Variants in SYNPR observed in about 807,000 individuals in gnomAD.
The protein encoded by SYNPR is synaptoporin.
In SYNPR, 23 loss-of-function variants were observed where a neutral mutation model predicts 32.9. The ratio of observed to expected loss-of-function variants is 0.70; its 90% CI spans 0.50 to 0.99. The LOEUF (loss-of-function observed/expected upper bound fraction) is 0.99, where lower values mean the gene tolerates loss of function less well. Ranked by LOEUF, SYNPR falls within the 50% of genes least tolerant of loss-of-function variation. The pLI is 0.00. For missense variants in SYNPR, 318 were observed against 349.3 expected, an observed-to-expected ratio of 0.91 and a Z score of 0.71; for synonymous variants, 146 against 135.9, an observed-to-expected ratio of 1.07 and a Z score of -0.52.
At chr3:63,312,820 T>G (rs1328495774) in intron 2 of SYNPR, among the ~76,000 whole-genome samples, 2 of 151,938 alleles carry the variant, frequency 1.3e-5, no homozygotes, top group African/African-American at 2.4e-5. Context: ...CAGCCCAACC[T>G]CTCTCCTGCC....
At chr3:63,275,550 C>A (rs987595486), upstream of SYNPR, among the ~76,000 whole-genome samples, 2 of 152,140 alleles carry the variant, frequency 1.3e-5, no homozygotes, top group Non-Finnish European at 2.9e-5. Flanking sequence ...AGGGAATAGG[C>A]TCAGTAATCA....
At chr3:63,374,974 T>C (rs1560209284) in intron 2 of SYNPR, among the ~76,000 whole-genome samples, 1 of 151,942 alleles carries the variant, frequency 6.6e-6, no homozygotes, top group Admixed American at 6.6e-5. Flanking sequence ...CCATGCTGTT[T>C]TGGTTATCAC....
At chr3:63,413,054 A>T (rs1397325565) in intron 2 of SYNPR, among the ~76,000 whole-genome samples, 1 of 152,220 alleles carries the variant, frequency 6.6e-6, no homozygotes, top group Non-Finnish European at 1.5e-5. Flanking sequence ...AAGCACAACA[A>T]TTGAAAAATA....
rs1702408364 is a variant in SYNPR at position 63,546,629 on chromosome 3, A to G, written c.210-9914A>G. ...AGCTCACTCCCTGTGCTCGATATTT[A>G]TTATTACCCTCCTTAAAATAAAAAA... On this transcript the variant is annotated intron_variant, in intron 3 of 5. Coordinates refer to ENST00000478300, the MANE Select transcript of SYNPR (RefSeq NM_001130003.2). Among the ~76,000 whole-genome samples, 6 of 152,020 alleles carry G rather than the reference A, an allele frequency of 3.9e-5. No homozygotes were observed. The South Asian group carries it at 1.0e-3, about 26-fold the overall frequency.
chr3:63,523,623 A>T (rs1701952860), intron 3 of SYNPR, among the ~76,000 whole-genome samples: 1 of 152,102 alleles, frequency 6.6e-6, no homozygotes, highest in African/African-American at 2.4e-5. Flanking sequence ...GAGCACTGTG[A>T]TGGGGGCCAC....
chr3:63,204,526 G>A, the SYNPR span, among the ~76,000 whole-genome samples: 1 of 152,080 alleles, frequency 6.6e-6, no homozygotes, highest in Non-Finnish European at 1.5e-5. Context: ...GAGGTACTGG[G>A]GGTTAGGACT....
chr3:63,520,363 C>G (rs1477669201), intron 3 of SYNPR, among the ~76,000 whole-genome samples: 1 of 152,132 alleles, frequency 6.6e-6, no homozygotes, highest in African/African-American at 2.4e-5. Context: ...GCCTGTTTCT[C>G]CACCAGCACA....
intron 2 of SYNPR, among the ~76,000 whole-genome samples, chr3:63,333,450 T>G (rs996911330): frequency 5.3e-5 from 8 of 152,256 alleles, no homozygotes; most frequent in Middle Eastern, 6.8e-3. Flanking sequence ...AGACCCTTGT[T>G]CTGTAACCTA....
intron 2 of SYNPR, among the ~76,000 whole-genome samples, chr3:63,397,814 T>C (rs2088236686): frequency 6.6e-6 from 1 of 152,230 alleles, no homozygotes; most frequent in African/African-American, 2.4e-5. Flanking sequence ...AAAAATACGA[T>C]AATGGCTCAT....
At chr3:63,593,460 C>T (rs528872718) in intron 4 of SYNPR, among the ~76,000 whole-genome samples, 2 of 152,008 alleles carry the variant, frequency 1.3e-5, no homozygotes, top group Non-Finnish European at 2.9e-5. Flanking sequence ...TTGCCTGTAA[C>T]TGAAATAAAG....
intron 2 of SYNPR, among the ~76,000 whole-genome samples, chr3:63,261,157 G>T (rs933386438): frequency 1.3e-5 from 2 of 152,148 alleles, no homozygotes. Context: ...AGTCAGTGTG[G>T]TGATTCCTCA....
chr3:63,552,377 AG>A, intron 3 of SYNPR, among the ~76,000 whole-genome samples: 1 of 152,292 alleles, frequency 6.6e-6, no homozygotes, highest in East Asian at 1.9e-4. Context: ...CTATTGAGGA[AG>A]ATTCTAATAT....
intron 4 of SYNPR, among the ~76,000 whole-genome samples, chr3:63,580,525 C>G (rs1444394083): frequency 6.6e-6 from 1 of 151,660 alleles, no homozygotes; most frequent in Non-Finnish European, 1.5e-5. Flanking sequence ...ATTGTGTAGT[C>G]TCCAGGACGT....
chr3:63,391,836 G>A (rs1405215825), intron 2 of SYNPR, among the ~76,000 whole-genome samples: 1 of 152,138 alleles, frequency 6.6e-6, no homozygotes, highest in Non-Finnish European at 1.5e-5. Flanking sequence ...TTACAGAAGA[G>A]GACACTGAGC....
At chr3:63,270,143 A>T (rs1210069621) in intron 3 of SYNPR, among the ~76,000 whole-genome samples, 1 of 152,182 alleles carries the variant, frequency 6.6e-6, no homozygotes, top group Admixed American at 6.5e-5. Flanking sequence ...GTATTAGGGG[A>T]TAGTCTAAAG....
rs181432048 is a variant in SYNPR at position 63,578,406 on chromosome 3, G to C, written c.408+21665G>C. Among the ~76,000 whole-genome samples, 210 of 152,226 alleles carry C rather than the reference G, an allele frequency of 1.4e-3. 1 individual carries two copies. The highest frequency in any genetic ancestry group is 4.9e-3 in the African/African-American group (204 of 41,544). ...TAGGTGTAAGGAGAGAGTGAGTTAG[G>C]TTTAGACAAGTCAAATCAAAGGAGC... On this transcript the variant is annotated intron_variant, in intron 4 of 5. Transcript: ENST00000478300.
intron 4 of SYNPR, among the ~76,000 whole-genome samples, chr3:63,593,653 A>G (rs191138949): frequency 6.6e-6 from 1 of 152,314 alleles, no homozygotes; most frequent in Admixed American, 6.5e-5. Context: ...GGAAAAAGCA[A>G]TGAAACCCTA....
chr3:63,458,869 G>T (rs966639677), intron 2 of SYNPR, among the ~76,000 whole-genome samples: 7 of 151,980 alleles, frequency 4.6e-5, no homozygotes, highest in Admixed American at 1.3e-4. Context: ...ATTTCTGTCA[G>T]TAAAAAGTGT....
the SYNPR span, among the ~76,000 whole-genome samples, chr3:63,204,220 G>T: frequency 1.3e-4 from 20 of 152,244 alleles, no homozygotes; most frequent in East Asian, 3.7e-3. Flanking sequence ...CCTCACAATT[G>T]TAAAGACTAC....
Sources: gnomAD v4.1 joint callset for allele counts (sites outside exome capture counted in the v4.1 genomes callset) on GRCh38, gnomAD v4.1.1 for gene constraint, MANE v1.5 for transcripts, NCBI Gene and HGNC (gene_info 2026-07-23, HGNC 2026-07-21) for gene names.